CTC1: variants seen among roughly 807,000 people sequenced by gnomAD.
CTC1 encodes the protein CST complex subunit CTC1.
CTC1 carries 91 observed loss-of-function variants against 136.3 expected under a neutral mutation model. The observed-to-expected ratio is 0.67, with a 90% CI of 0.56 to 0.79. CTC1 has a LOEUF of 0.79. Ranked by LOEUF, CTC1 falls within the 30% of genes least tolerant of loss-of-function variation. The pLI, the probability that CTC1 is intolerant of heterozygous loss-of-function variation, is 0.00. For synonymous variants in CTC1, 606 were observed against 613.8 expected (o/e 0.99, Z 0.19); for missense variants, 1,432 against 1,498.1 (o/e 0.96, Z 0.73).
rs375999182 is a variant in CTC1, at chr17:8,234,801, C to T, written c.1565G>A (p.Arg522Gln). 24 of 1,611,152 alleles carry T rather than the reference C, an allele frequency of 1.5e-5. No homozygotes were observed. Among genetic ancestry groups the T allele is most frequent in the South Asian group, 1.1e-4 (10 of 90,618 alleles). The part of the protein sequence containing the change: ...DLLAPPGSPV[R>Q]NAHNEILEEP... ...TTCAAGGATCTCATTGTGTGCATTC[C>T]GAACAGGGCTGCCTGGCGGAGCTAG... Residue 522 changes from arginine (R) to glutamine (Q), a missense_variant, in exon 9 of 23, where the codon CGG (arginine) becomes CAG (glutamine). Arg to Gln is a conservative substitution (Grantham distance 43). Coordinates refer to ENST00000651323, the MANE Select transcript of CTC1 (RefSeq NM_025099.6).
intron 2 of CTC1, among the ~76,000 whole-genome samples, chr17:8,242,605 C>T (rs1408035382): frequency 6.9e-6 from 1 of 145,312 alleles, no homozygotes; most frequent in Non-Finnish European, 1.5e-5. Flanking sequence ...AACACACTCT[C>T]GGAAGCCCTA....
intron 18 of CTC1, 67 bp downstream of exon 18, chr17:8,229,824 A>G (rs1185413474): frequency 7.4e-7 from 1 of 1,352,792 alleles, no homozygotes; most frequent in Non-Finnish European, 1.1e-6. Flanking sequence ...AATCTTCAGA[A>G]CCAGGGACAT....
rs1987284492 is a variant in CTC1, at chr17:8,232,072, T to C, written c.2216A>G (p.Glu739Gly). 3 of 1,559,608 alleles carry C rather than the reference T, an allele frequency of 1.9e-6. No individual in the cohort carries two copies. Among genetic ancestry groups the C allele is most frequent in the Non-Finnish European group, 1.7e-6 (2 of 1,158,178 alleles). Residue 739 changes from glutamate to glycine, a missense_variant, in exon 13 of 23, where the codon GAG becomes GGG. Transcript: ENST00000651323. The stretch of plus-strand genomic sequence containing the variant: ...ACAAAAATTACGCTTCATGAGGGCC[T>C]CCTTGTGGCAGAGCAAGAAGAGCCG... ...QSRLFLLCHK[E>G]ALMKRNFCVP...
rs1042706298 is a variant in CTC1, at chr17:8,225,235, C to T, written c.*2945G>A. ...CCTCAGGCCAGATTAGATTCCACTT[C>T]TCCCTGTTCTTACAGTGCCGTTAGT... On this transcript the variant is annotated 3_prime_UTR_variant, in exon 23 of 23. Coordinates refer to ENST00000651323, the MANE Select transcript of CTC1 (RefSeq NM_025099.6). The T allele has an allele frequency of 6.6e-5, 10 of 152,300 alleles. No homozygotes were observed. Among genetic ancestry groups the T allele is most frequent in the African/African-American group, 2.4e-4 (10 of 41,458 alleles). The allele number at this position is 152,300 out of a possible 1,614,324, so 9.4% of individuals were successfully genotyped here.
At chr17:8,231,541 AC>A (rs2151507586) in intron 14 of CTC1, 72 bp from the exon 15 acceptor site, 1 of 1,449,428 alleles carries the variant, frequency 6.9e-7, no homozygotes, top group Non-Finnish European at 9.4e-7. Flanking sequence ...AAACATTCTG[AC>A]CCAATTTTGT....
At chr17:8,231,671 A>AC in intron 14 of CTC1, 55 bp downstream of exon 14, 1 of 1,532,648 alleles carries the variant, frequency 6.5e-7, no homozygotes, top group Non-Finnish European at 9.0e-7. Flanking sequence ...CCCTCTTTAG[A>AC]CCCCAACCCC....
intron 11 of CTC1, 89 bp downstream of exon 11, chr17:8,232,816 TA>T: frequency 6.6e-7 from 1 of 1,523,692 alleles, no homozygotes; most frequent in Middle Eastern, 1.7e-4. Flanking sequence ...GCATCTCTAG[TA>T]AATCCCAGCA....
chr17:8,247,199 G>C (rs1988803731), intron 1 of CTC1, among the ~76,000 whole-genome samples: 1 of 150,638 alleles, frequency 6.6e-6, no homozygotes, highest in Non-Finnish European at 1.5e-5. Flanking sequence ...TGTCAGCTCT[G>C]ACCCCTCCAC....
chr17:8,237,442 TTC>T lies in CTC1; in HGVS notation c.723_724del (p.Lys242SerfsTer9), dbSNP rs1204126024. 2 of 1,612,662 alleles carry T rather than the reference TTC, an allele frequency of 1.2e-6. No individual in the cohort carries two copies. On this transcript the variant is annotated frameshift_variant, in exon 5 of 23. Coordinates refer to ENST00000651323, the MANE Select transcript of CTC1 (RefSeq NM_025099.6). LOFTEE classifies it high-confidence loss of function. ...ACCAAGAGACAGGATGAAGTAAGCT[TTC>T]TGTTTACTTTTCACCAGAGCACTCA...
intron 4 of CTC1, 112 bp downstream of exon 4, chr17:8,237,919 G>T: frequency 3.6e-6 from 3 of 832,224 alleles, no homozygotes; most frequent in Non-Finnish European, 5.7e-6. Flanking sequence ...CCCTTGATTT[G>T]GAACATTCAG....
intron 1 of CTC1, 71 bp downstream of exon 1, chr17:8,247,933 G>A: frequency 6.6e-7 from 1 of 1,508,602 alleles, no homozygotes; most frequent in Non-Finnish European, 9.1e-7. Context: ...CAAGGCAGAG[G>A]AAATAGGAAG....
intron 5 of CTC1, 89 bp from the exon 6 acceptor site, chr17:8,236,431 G>C (rs1034500938): frequency 7.2e-7 from 1 of 1,382,432 alleles, no homozygotes; most frequent in Non-Finnish European, 9.8e-7. Context: ...TTTGAACTCA[G>C]AGACCTGCCC....
At position 8,228,487 on chromosome 17, in the gene CTC1, C is replaced by A. The variant is rs369845758; in HGVS notation, c.3514+16G>T. 4 of 1,614,112 alleles carry A rather than the reference C, an allele frequency of 2.5e-6. No individual in the cohort carries two copies. The highest frequency in any genetic ancestry group is 2.2e-5 in the East Asian group (1 of 44,888). On this transcript the variant is annotated intron_variant, in intron 22 of 22. Coordinates refer to ENST00000651323, the MANE Select transcript of CTC1 (RefSeq NM_025099.6). ...TGATCCCCCTATCATCATGATCCCC[C>A]CGTCTCCAACCTTACCTAATGGGAC...
At position 8,236,156 on chromosome 17, in the gene CTC1, A is replaced by G. The variant is rs1987705280; in HGVS notation, c.979T>C (p.Leu327=). 31 of 1,614,178 alleles carry G rather than the reference A, an allele frequency of 1.9e-5. No individual in the cohort carries two copies. Among genetic ancestry groups the G allele is most frequent in the Non-Finnish European group, 2.6e-5 (31 of 1,180,032 alleles). The part of the protein sequence containing the change: ...ELELELEGPL[L]EADPKPLPMP... ...GGGAGTGGCTTGGGGTCAGCCTCTA[A>G]GAGGGGTCCTTCCAGCTCCAGTTCC... The change falls in exon 6 of 23, where the codon TTA becomes CTA. Residue 327 remains leucine (L), a synonymous_variant. Coordinates refer to ENST00000651323, the MANE Select transcript of CTC1 (RefSeq NM_025099.6).
In CTC1 at chr17:8,230,387, T is replaced by G; in HGVS notation, c.2840A>C (p.Asp947Ala). ...CAAGTGTGGGTCTTCTATATATACA[T>G]CCAGGTGAGGGGGGAATTCACATTC... ...TAECEFPPHL[D>A]VYIEDPHLPP... The change falls in exon 17 of 23, where the codon GAT (aspartate) becomes GCT (alanine). Residue 947 changes from aspartate to alanine, a missense_variant. Transcript: ENST00000651323. 5.6e-6 allele frequency: 9 copies of G among 1,614,042 alleles called. No individual in the cohort carries two copies. Among genetic ancestry groups the G allele is most frequent in the Non-Finnish European group, 7.6e-6 (9 of 1,180,000 alleles).
At position 8,232,243 on chromosome 17, in the gene CTC1, A is replaced by AG; in HGVS notation, c.2061-17dup. On this transcript the variant is annotated splice_polypyrimidine_tract_variant and intron_variant, in intron 12 of 22. Transcript: ENST00000651323. Reference sequence around the variant, plus strand: ...GACATAGACTCTGTTGGGAGAGACAAGGAATACATTTCTTAGTGATGCAGG... The same window carrying AG: ...GACATAGACTCTGTTGGGAGAGACAAGGGAATACATTTCTTAGTGATGCAGG... The AG allele has an allele frequency of 6.5e-7, 1 of 1,537,636 alleles. No homozygotes were observed. Among genetic ancestry groups the AG allele is most frequent in the Non-Finnish European group, 8.7e-7 (1 of 1,145,122 alleles).
Position 8,235,207 on chromosome 17 carries a change from C to A in CTC1, c.1285G>T (p.Val429Phe), listed in dbSNP as rs191350236. The A allele has an allele frequency of 3.7e-6, 6 of 1,614,118 alleles. No homozygotes were observed. In the East Asian group the frequency reaches 1.1e-4, roughly 30 times the overall value. The change falls in exon 8 of 23, where the codon GTT (valine) becomes TTT (phenylalanine). Residue 429 changes from valine to phenylalanine, a missense_variant. Physicochemically the swap from Val to Phe is conservative, Grantham distance 50. Coordinates refer to ENST00000651323, the MANE Select transcript of CTC1 (RefSeq NM_025099.6). Reference protein sequence around the residue: ...PVLAPCLRGAVLLQSFSRQKP... With the variant: ...PVLAPCLRGAFLLQSFSRQKP... ...TGACGAGAGAAGCTTTGAAGCAGAACGGCGCCACGGAGGCAGGGGGCGAGC... is the reference window on the plus strand; with the variant it reads ...TGACGAGAGAAGCTTTGAAGCAGAAAGGCGCCACGGAGGCAGGGGGCGAGC...
Position 8,243,032 on chromosome 17 carries a change from C to T in CTC1, c.150G>A (p.Trp50Ter), listed in dbSNP as rs202213253. The stretch of plus-strand genomic sequence containing the variant: ...AACCTTGGTTCCTTCCCTGGGACAA[C>T]CAGACAGTCTTCACACAATCAATTA... ...PLVIDCVKTV[W>*]LSQGRNQGST... The change falls in exon 2 of 23, where the codon TGG (tryptophan) becomes TGA (stop). Residue 50 changes from tryptophan to a stop codon, truncating the protein, a stop_gained. Coordinates refer to ENST00000651323, the MANE Select transcript of CTC1 (RefSeq NM_025099.6). LOFTEE classifies it high-confidence loss of function. 6.2e-6 allele frequency: 10 copies of T among 1,613,584 alleles called. No individual in the cohort carries two copies. Among genetic ancestry groups the T allele is most frequent in the Non-Finnish European group, 8.5e-6 (10 of 1,179,846 alleles).
chr17:8,232,191 G>T lies in CTC1; in HGVS notation c.2097C>A (p.Ile699=). Residue 699 remains isoleucine (I), a synonymous_variant, in exon 13 of 23, where the codon ATC becomes ATA. Coordinates refer to ENST00000651323, the MANE Select transcript of CTC1 (RefSeq NM_025099.6). ...YVQFFLADAL[I]LPVPRPCLHS... is the part of the protein sequence containing the mutation. ...GAAGGCAGGGTCTGGGCACAGGCAG[G>T]ATCAGGGCATCAGCCAGAAAGAACT... 6.5e-7 allele frequency: 1 copy of T among 1,527,988 alleles called. No individual in the cohort carries two copies. The highest frequency in any genetic ancestry group is 8.8e-7 in the Non-Finnish European group (1 of 1,141,410). The allele number at this position is 1,527,988 out of a possible 1,614,324, so 94.7% of individuals were successfully genotyped here. A position where few individuals can be genotyped will look rare whatever the true frequency, so the allele number is the denominator to read the frequency against.
Sources: allele counts gnomAD v4.1 joint callset (sites outside exome capture counted in the v4.1 genomes callset), GRCh38; gene constraint gnomAD v4.1.1; transcripts MANE v1.5; gene names NCBI Gene and HGNC (gene_info 2026-07-23, HGNC 2026-07-21).